Variants in NKAIN2 observed in about 807,000 individuals in gnomAD.
NKAIN2 encodes the protein sodium/potassium-transporting ATPase subunit beta-1-interacting protein 2.
Under a neutral mutation model 32.6 loss-of-function variants are expected in NKAIN2, and 14 were observed. The ratio of observed to expected loss-of-function variants is 0.43; its 90% confidence interval spans 0.28 to 0.67. The LOEUF (loss-of-function observed/expected upper bound fraction) is 0.67, where lower values mean the gene tolerates loss of function less well. Among genes scored for constraint, NKAIN2 ranks in the 30% least tolerant of loss-of-function variants. NKAIN2 has a pLI of 0.17. For missense variants in NKAIN2, 198 were observed against 258.3 expected, an observed-to-expected ratio of 0.77 and a Z score of 1.60; for synonymous variants, 80 against 87.2, an observed-to-expected ratio of 0.92 and a Z score of 0.46.
At chr6:124,310,812 C>G (rs1254798539) in intron 2 of NKAIN2, among the ~76,000 whole-genome samples, 2 of 152,018 alleles carry the variant, frequency 1.3e-5, no homozygotes, top group Non-Finnish European at 2.9e-5. Context: ...GCCCTGAAAG[C>G]TAGAAGTGAT....
At position 124,386,319 on chromosome 6, in the gene NKAIN2, C is replaced by T. The variant is rs1256032420; in HGVS notation, c.273+30972C>T. ...GCAGGTGTTATCATTCAATAGCTTT[C>T]CAGAAGGCAAAAAACAAAATGCTTG... is the stretch of plus-strand genomic sequence containing the variant. On this transcript the variant is annotated intron_variant, in intron 3 of 6. Coordinates refer to ENST00000368417, the MANE Select transcript of NKAIN2 (RefSeq NM_001040214.3). Among the ~76,000 whole-genome samples, 122 of 152,178 alleles carry T rather than the reference C, an allele frequency of 8.0e-4. 2 individuals carry two copies. The highest frequency in any genetic ancestry group is 1.5e-5 in the Non-Finnish European group (1 of 68,004).
At chr6:124,597,147 A>C (rs1239648494) in intron 3 of NKAIN2, among the ~76,000 whole-genome samples, 1 of 152,074 alleles carries the variant, frequency 6.6e-6, no homozygotes, top group African/African-American at 2.4e-5. Context: ...ACACCTACAA[A>C]TCATGCCTAA....
chr6:123,933,001 C>T (rs76291333), intron 1 of NKAIN2, among the ~76,000 whole-genome samples: 1,875 of 152,188 alleles, frequency 0.012, 37 homozygotes, highest in African/African-American at 0.043. Context: ...CCACGACATA[C>T]CTATCTCCTC....
chr6:124,686,548 A>G (rs981854835), intron 4 of NKAIN2, among the ~76,000 whole-genome samples: 1 of 152,126 alleles, frequency 6.6e-6, no homozygotes, highest in African/African-American at 2.4e-5. Flanking sequence ...TAAACCATTC[A>G]TGAAAAACCA....
At chr6:124,222,283 G>A (rs1018312668) in intron 1 of NKAIN2, among the ~76,000 whole-genome samples, 1 of 152,066 alleles carries the variant, frequency 6.6e-6, no homozygotes, top group Admixed American at 6.6e-5. Context: ...CTGAGGTTTG[G>A]GAAAAATAAT....
intron 3 of NKAIN2, among the ~76,000 whole-genome samples, chr6:124,366,927 CGAAAAAAAA>C (rs1799541705): frequency 1.1e-5 from 1 of 92,424 alleles, no homozygotes. Context: ...GACCCTGTCT[CGAAAAAAAA>C]AAAAAAAAGT....
chr6:124,029,955 T>C (rs1582957719), intron 1 of NKAIN2, among the ~76,000 whole-genome samples: 1 of 151,898 alleles, frequency 6.6e-6, no homozygotes, highest in Non-Finnish European at 1.5e-5. Flanking sequence ...GGTGCAGTGG[T>C]TCACACCTGT....
chr6:124,398,252 C>CAAAAAAAAAAAAA (rs869039720), intron 3 of NKAIN2, among the ~76,000 whole-genome samples: 43 of 69,064 alleles, frequency 6.2e-4, no homozygotes, highest in African/African-American at 2.1e-3. Context: ...GACTGCATCT[C>CAAAAAAAAAAAAA]AAAAAAAAAA....
At chr6:123,948,604 T>C (rs1013501414) in intron 1 of NKAIN2, among the ~76,000 whole-genome samples, 9 of 103,292 alleles carry the variant, frequency 8.7e-5, no homozygotes, top group Non-Finnish European at 1.5e-4. Flanking sequence ...GGGATTTTTT[T>C]TTTTTTTTTT....
chr6:123,819,495 G>A (rs1191919934), intron 1 of NKAIN2, among the ~76,000 whole-genome samples: 1 of 151,888 alleles, frequency 6.6e-6, no homozygotes, highest in Non-Finnish European at 1.5e-5. Context: ...AATATGACCT[G>A]ATTTTTCTGC....
At chr6:124,816,623 A>G (rs1781178701) in intron 5 of NKAIN2, among the ~76,000 whole-genome samples, 1 of 152,222 alleles carries the variant, frequency 6.6e-6, no homozygotes, top group Non-Finnish European at 1.5e-5. Context: ...AAGAGAAAAC[A>G]AAGGATTTCC....
chr6:124,634,165 C>A (rs892633237), intron 3 of NKAIN2, among the ~76,000 whole-genome samples: 1 of 151,916 alleles, frequency 6.6e-6, no homozygotes, highest in African/African-American at 2.4e-5. Flanking sequence ...ACCAGATGTG[C>A]AGATATCAAT....
intron 3 of NKAIN2, among the ~76,000 whole-genome samples, chr6:124,419,058 T>G (rs1045945216): frequency 2.0e-5 from 3 of 152,174 alleles, no homozygotes; most frequent in Non-Finnish European, 4.4e-5. Flanking sequence ...TTACTCTGCC[T>G]GTTTTAATGT....
intron 3 of NKAIN2, among the ~76,000 whole-genome samples, chr6:124,381,655 G>A (rs749115197): frequency 2.0e-5 from 3 of 152,142 alleles, no homozygotes; most frequent in Admixed American, 6.5e-5. Context: ...ATATCTTCTC[G>A]TCTACAGTTA....
At chr6:124,699,152 G>A (rs796620275) in intron 4 of NKAIN2, among the ~76,000 whole-genome samples, 12 of 152,228 alleles carry the variant, frequency 7.9e-5, no homozygotes, top group African/African-American at 2.9e-4. Flanking sequence ...ACCAAGTTTG[G>A]CTATGTGGTT....
chr6:124,018,031 A>G (rs1464296189), intron 1 of NKAIN2, among the ~76,000 whole-genome samples: 1 of 152,176 alleles, frequency 6.6e-6, no homozygotes, highest in African/African-American at 2.4e-5. Context: ...CTGCCTGGAC[A>G]TTTAGGCATT....
chr6:124,799,181 TGTCA>T (rs1431810063), intron 5 of NKAIN2, among the ~76,000 whole-genome samples: 3 of 152,228 alleles, frequency 2.0e-5, no homozygotes, highest in South Asian at 2.1e-4. Flanking sequence ...ATTTTCCTCC[TGTCA>T]ATCAAATTCA....
intron 4 of NKAIN2, among the ~76,000 whole-genome samples, chr6:124,718,397 C>A (rs867047607): frequency 6.6e-5 from 10 of 152,258 alleles, no homozygotes; most frequent in Admixed American, 2.0e-4. Flanking sequence ...CATGTCATAG[C>A]ATGCATCAGT....
intron 4 of NKAIN2, among the ~76,000 whole-genome samples, chr6:124,770,934 C>T (rs865976391): frequency 1.3e-5 from 2 of 152,176 alleles, no homozygotes; most frequent in African/African-American, 2.4e-5. Context: ...TCAGGAGAAC[C>T]AGAAAATTGT....
Sources: gnomAD v4.1 joint callset for allele counts (sites outside exome capture counted in the v4.1 genomes callset) on GRCh38, gnomAD v4.1.1 for gene constraint, MANE v1.5 for transcripts, NCBI Gene and HGNC (gene_info 2026-07-23, HGNC 2026-07-21) for gene names.